TMED3: variants seen among roughly 807,000 people sequenced by gnomAD.
TMED3 encodes the protein transmembrane emp24 domain-containing protein 3.
TMED3 carries 9 observed loss-of-function variants against 15.0 expected under a neutral mutation model. The ratio of observed to expected loss-of-function variants is 0.60; its 90% confidence interval spans 0.36 to 1.04. The LOEUF (loss-of-function observed/expected upper bound fraction) is 1.04. Ranked by LOEUF, TMED3 falls within the 50% of genes least tolerant of loss-of-function variation. The probability of loss-of-function intolerance (pLI) is 0.01; values close to 1 mark genes in which losing one functional copy is unlikely to be tolerated. For missense variants in TMED3, 267 were observed against 278.9 expected (o/e 0.96, Z 0.30); for synonymous variants, 117 against 121.4 (o/e 0.96, Z 0.24).
chr15:79,352,456 G>A (rs1406774528), intron 2 of TMED3, among the ~76,000 whole-genome samples: 1 of 151,912 alleles, frequency 6.6e-6, no homozygotes, highest in Non-Finnish European at 1.5e-5. Flanking sequence ...CCCAAACAAG[G>A]ATGTCAACAG....
intron 2 of TMED3, among the ~76,000 whole-genome samples, chr15:79,402,625 A>G (rs148487078): frequency 0.01 from 1,528 of 152,108 alleles, 25 homozygotes; most frequent in African/African-American, 0.034. Context: ...TAAAACTACA[A>G]AAAAAGAAAA....
intron 2 of TMED3, among the ~76,000 whole-genome samples, chr15:79,406,359 A>G (rs1893903456): frequency 6.6e-6 from 1 of 152,226 alleles, no homozygotes; most frequent in African/African-American, 2.4e-5. Flanking sequence ...GACAACTGAC[A>G]GAATAACTAG....
In TMED3 at chr15:79,313,877, G is replaced by A. The variant is rs769595231; in HGVS notation, c.289G>A (p.Val97Ile). Residue 97 changes from valine to isoleucine, a missense_variant, in exon 2 of 3, where the codon GTT (valine) becomes ATT (isoleucine). By Grantham distance (29) the Val-to-Ile change is conservative. Coordinates refer to ENST00000299705, the MANE Select transcript of TMED3 (RefSeq NM_007364.4). ...CACGTACCGGGCTGAAGTCAAGGGC[G>A]TTTATCAGTTTTGCTTCAGTAATGA... ...SFTYRAEVKG[V>I]YQFCFSNEFS... 4.6e-5 allele frequency: 75 copies of A among 1,614,080 alleles called. No homozygotes were observed. The highest frequency in any genetic ancestry group is 4.2e-4 in the East Asian group (19 of 44,904).
chr15:79,323,752 T>G (rs1294844624), downstream of TMED3, among the ~76,000 whole-genome samples: 3 of 152,208 alleles, frequency 2.0e-5, no homozygotes, highest in Admixed American at 2.0e-4. Flanking sequence ...TTCCACTTTT[T>G]TATGGAAACT....
intron 2 of TMED3, among the ~76,000 whole-genome samples, chr15:79,360,372 G>T (rs188655446): frequency 6.6e-6 from 1 of 152,232 alleles, no homozygotes; most frequent in East Asian, 1.9e-4. Flanking sequence ...AGGAACCAGG[G>T]GTGTTTAGGT....
chr15:79,321,933 T>A, intron 2 of TMED3, 45 bp from the exon 3 acceptor site: 1 of 1,590,832 alleles, frequency 6.3e-7, no homozygotes, highest in Admixed American at 1.7e-5. Context: ...GATCCCACAT[T>A]TGTCTATGGG....
intron 2 of TMED3, among the ~76,000 whole-genome samples, chr15:79,382,442 G>T (rs1893551333): frequency 6.6e-6 from 1 of 152,208 alleles, no homozygotes; most frequent in African/African-American, 2.4e-5. Flanking sequence ...TACCTGCTTG[G>T]AGCTGCTACT....
In TMED3 at chr15:79,386,546, A is replaced by T. The variant is rs755291378; in HGVS notation, c.418-24854A>T. ...TATTTTGATGAATAACAGTTTTTAA[A>T]TTTTTTTATTTTCAAGATGGAGTCT... On this transcript the variant is annotated intron_variant, in intron 2 of 2. Coordinates refer to the TMED3 transcript ENST00000424155. Among the ~76,000 whole-genome samples the T allele has an allele frequency of 6.1e-4, 93 of 151,850 alleles. 1 individual carries two copies. Among genetic ancestry groups the T allele is most frequent in the Non-Finnish European group, 6.5e-4 (44 of 67,908 alleles).
intron 2 of TMED3, among the ~76,000 whole-genome samples, chr15:79,350,452 A>G (rs928356152): frequency 2.0e-5 from 3 of 152,090 alleles, no homozygotes; most frequent in Admixed American, 6.6e-5. Flanking sequence ...CTGGCAAATC[A>G]CTGGTGTAAG....
chr15:79,371,537 C>T (rs903673767), intron 2 of TMED3, among the ~76,000 whole-genome samples: 1 of 152,318 alleles, frequency 6.6e-6, no homozygotes, highest in East Asian at 1.9e-4. Context: ...TCAAATCTGA[C>T]TCTCCAAGAA....
At chr15:79,371,796 A>C (rs936906126) in intron 2 of TMED3, among the ~76,000 whole-genome samples, 6 of 152,278 alleles carry the variant, frequency 3.9e-5, no homozygotes, top group Non-Finnish European at 5.9e-5. Context: ...GTAGTTGGGG[A>C]AGTTATAAAT....
rs953462793 is a variant in TMED3 at position 79,406,070 on chromosome 15, T to C, written c.418-5330T>C. On this transcript the variant is annotated intron_variant, in intron 2 of 2. Transcript: ENST00000424155. Reference sequence around the variant, plus strand: ...CTTAGTTTAAGGTAGTTCACCATCATCTACTATATCTATTTCGTTTTTGCG... The same window carrying C: ...CTTAGTTTAAGGTAGTTCACCATCACCTACTATATCTATTTCGTTTTTGCG... 1.1e-4 allele frequency among the ~76,000 whole-genome samples: 16 copies of C among 152,240 alleles called. No individual in the cohort carries two copies. The East Asian group carries it at 3.1e-3, about 29-fold the overall frequency.
chr15:79,333,374 A>T (rs7174666), intron 2 of TMED3, among the ~76,000 whole-genome samples: 146,258 of 152,282 alleles, frequency 0.96, 70,362 homozygotes, highest in Non-Finnish European at 1. Context: ...CCTGCTCACC[A>T]CCAAACTGCA....
chr15:79,337,315 G>A (rs115463624), intron 2 of TMED3, among the ~76,000 whole-genome samples: 450 of 152,192 alleles, frequency 3.0e-3, no homozygotes, highest in African/African-American at 0.01. Context: ...TTTATATAAG[G>A]ACAACAGTTA....
At chr15:79,331,587 C>G (rs994657626) in intron 2 of TMED3, among the ~76,000 whole-genome samples, 1 of 136,058 alleles carries the variant, frequency 7.3e-6, no homozygotes, top group East Asian at 2.2e-4. Flanking sequence ...AAAAAGTCTA[C>G]ACAGCAAAAG....
intron 2 of TMED3, among the ~76,000 whole-genome samples, chr15:79,360,614 A>G (rs1893106461): frequency 6.6e-6 from 1 of 152,208 alleles, no homozygotes; most frequent in Non-Finnish European, 1.5e-5. Flanking sequence ...ACATATCGTT[A>G]GACCGCGACA....
At chr15:79,363,890 C>G (rs1893179309) in intron 2 of TMED3, among the ~76,000 whole-genome samples, 1 of 152,124 alleles carries the variant, frequency 6.6e-6, no homozygotes, top group African/African-American at 2.4e-5. Flanking sequence ...AATCGGGAGG[C>G]TCATGCTTAA....
At chr15:79,407,655 C>T (rs1445096271) in intron 2 of TMED3, among the ~76,000 whole-genome samples, 2 of 152,198 alleles carry the variant, frequency 1.3e-5, no homozygotes, top group Non-Finnish European at 2.9e-5. Context: ...TATTGGAACA[C>T]TTCCATGCTC....
intron 2 of TMED3, among the ~76,000 whole-genome samples, chr15:79,373,647 G>C (rs892028147): frequency 2.0e-5 from 3 of 152,158 alleles, no homozygotes; most frequent in Non-Finnish European, 4.4e-5. Context: ...TATTTGAAGG[G>C]ATTTATTCTG....
Sources: gnomAD v4.1 joint callset for allele counts (sites outside exome capture counted in the v4.1 genomes callset) on GRCh38, gnomAD v4.1.1 for gene constraint, MANE v1.5 for transcripts, NCBI Gene and HGNC (gene_info 2026-07-23, HGNC 2026-07-21) for gene names.